M6PR: variants seen among roughly 807,000 people sequenced by gnomAD.
M6PR encodes mannose-6-phosphate receptor, cation dependent.
A neutral mutation model predicts 33.1 loss-of-function variants in M6PR; 19 were observed. That is an observed-to-expected ratio of 0.57 (90% CI 0.40 to 0.84). The LOEUF (loss-of-function observed/expected upper bound fraction) is 0.84, where lower values mean the gene tolerates loss of function less well. Among genes scored for constraint, M6PR ranks in the 40% least tolerant of loss-of-function variants. The probability of loss-of-function intolerance (pLI) is 0.00; values close to 1 mark genes in which losing one functional copy is unlikely to be tolerated. For synonymous variants in M6PR, 111 were observed against 123.4 expected, an observed-to-expected ratio of 0.90 and a Z score of 0.67; for missense variants, 295 against 336.0, an observed-to-expected ratio of 0.88 and a Z score of 0.95.
At position 8,941,822 on chromosome 12, in the gene M6PR, A is replaced by C; in HGVS notation, c.830T>G (p.Met277Arg). The change falls in exon 7 of 7, where the codon ATG becomes AGG. Residue 277 changes from methionine (M) to arginine (R), a missense_variant. By Grantham distance (91) the Met-to-Arg change is moderately conservative. Coordinates refer to ENST00000000412, the MANE Select transcript of M6PR (RefSeq NM_002355.4). ...GCTGGACATATAAAGTGCAATCTAC[A>C]TTGGTAATAAATGGTCATCCCTTTC... Reference protein sequence around the residue: ...SEERDDHLLPM With the variant: ...SEERDDHLLPR The C allele has an allele frequency of 6.2e-7, 1 of 1,614,114 alleles. No homozygotes were observed. Among genetic ancestry groups the C allele is most frequent in the Non-Finnish European group, 8.5e-7 (1 of 1,180,016 alleles).
intron 5 of M6PR, 61 bp downstream of exon 5, chr12:8,943,344 G>A: frequency 6.3e-7 from 1 of 1,597,530 alleles, no homozygotes; most frequent in Non-Finnish European, 8.6e-7. Context: ...CCACCATATA[G>A]TTACTGACCT....
chr12:8,947,470 A>G (rs1946112245), intron 1 of M6PR, among the ~76,000 whole-genome samples: 2 of 152,094 alleles, frequency 1.3e-5, no homozygotes, highest in South Asian at 4.1e-4. Context: ...CCAAACATCA[A>G]TTCTCTACTG....
chr12:8,941,906 C>G lies in M6PR; in HGVS notation c.746G>C (p.Arg249Pro). Residue 249 changes from arginine to proline, a missense_variant, in exon 7 of 7, where the codon CGA becomes CCA. By Grantham distance (103) the Arg-to-Pro change is moderately radical. Coordinates refer to ENST00000000412, the MANE Select transcript of M6PR (RefSeq NM_002355.4). ...GCDFVCRSKP[R>P]NVPAAYRGVG... is the part of the protein sequence containing the mutation. The stretch of plus-strand genomic sequence containing the variant: ...ACCACGATATGCTGCAGGCACATTT[C>G]GAGGTTTAGAACGGCAGACAAAGTC... 1 of 1,613,978 alleles carries G rather than the reference C, an allele frequency of 6.2e-7. No individual in the cohort carries two copies. The highest frequency in any genetic ancestry group is 8.5e-7 in the Non-Finnish European group (1 of 1,180,012).
At position 8,941,679 on chromosome 12, in the gene M6PR, T is replaced by A; in HGVS notation, c.*139A>T. The A allele has an allele frequency of 9.6e-7, 1 of 1,045,864 alleles. No homozygotes were observed. The allele number at this position is 1,045,864 out of a possible 1,614,324, so 64.8% of individuals were successfully genotyped here. A position where few individuals can be genotyped will look rare whatever the true frequency, so the allele number is the denominator to read the frequency against. On this transcript the variant is annotated 3_prime_UTR_variant, in exon 7 of 7. Transcript: ENST00000000412. ...GAAGGCAGTTTTACTAGTGAGAAGA[T>A]GCAAATCAAAAGCAAACTGGAAAGC...
rs1946002865 is a variant in M6PR, at chr12:8,941,360, T to C, written c.*458A>G. 1 of 197,846 alleles carries C rather than the reference T, an allele frequency of 5.1e-6. No homozygotes were observed. The highest frequency in any genetic ancestry group is 1.1e-5 in the Non-Finnish European group (1 of 95,074). 12.3% of individuals were successfully genotyped at this position (197,846 alleles called of 1,614,324 possible). On this transcript the variant is annotated 3_prime_UTR_variant, in exon 7 of 7. Transcript: ENST00000000412. Reference sequence around the variant, plus strand: ...AGCAGCAAGAAATACCAGATTCTCATGGAGGCTACTATAGGGTACAGAATA... The same window carrying C: ...AGCAGCAAGAAATACCAGATTCTCACGGAGGCTACTATAGGGTACAGAATA...
intron 4 of M6PR, 113 bp downstream of exon 4, chr12:8,943,688 C>T: frequency 7.6e-7 from 1 of 1,323,574 alleles, no homozygotes; most frequent in Non-Finnish European, 1.1e-6. Context: ...AACTGAGCTC[C>T]TAGTTTTCTA....
chr12:8,942,198 G>C (rs1224142675), intron 6 of M6PR: 1 of 689,186 alleles, frequency 1.5e-6, no homozygotes, highest in East Asian at 2.7e-5. Flanking sequence ...CTGGTCAACA[G>C]TGTTGCTCTT....
At chr12:8,946,575 A>T (rs1477365225) in intron 1 of M6PR, 170 bp from the exon 2 acceptor site, 1 of 525,812 alleles carries the variant, frequency 1.9e-6, no homozygotes, top group Non-Finnish European at 3.3e-6. Context: ...TAACAAGAGC[A>T]TCTGCAGCAG....
chr12:8,945,372 T>C (rs1282473248), intron 3 of M6PR, 46 bp downstream of exon 3: 1 of 1,603,714 alleles, frequency 6.2e-7, no homozygotes, highest in Non-Finnish European at 8.5e-7. Flanking sequence ...AGGGATTGAC[T>C]TGGGATCAGT....
At chr12:8,945,777 TG>T (rs1946085855) in intron 2 of M6PR, among the ~76,000 whole-genome samples, 193 bp from the exon 3 acceptor site, 1 of 152,238 alleles carries the variant, frequency 6.6e-6, no homozygotes, top group African/African-American at 2.4e-5. Flanking sequence ...TTGCTGATGA[TG>T]AATTATTAAA....
intron 1 of M6PR, among the ~76,000 whole-genome samples, chr12:8,948,766 T>C (rs768159880): frequency 6.6e-6 from 1 of 152,364 alleles, no homozygotes; most frequent in African/African-American, 2.4e-5. Flanking sequence ...TGGGCCTCTG[T>C]AGCACTCACT....
At position 8,940,530 on chromosome 12, in the gene M6PR, T is replaced by C. The variant is rs1592219206; in HGVS notation, c.*1288A>G. 8.3e-6 allele frequency: 1 copy of C among 119,976 alleles called. No homozygotes were observed. The highest frequency in any genetic ancestry group is 3.2e-5 in the African/African-American group (1 of 31,002). 7.4% of individuals were successfully genotyped at this position (119,976 alleles called of 1,614,324 possible). ...AGAAAGAAAAAAATCACTCCAATAG[T>C]ATTGAAAAGTCCAAAGATGAAATAG... On this transcript the variant is annotated 3_prime_UTR_variant, in exon 7 of 7. Transcript: ENST00000000412.
At chr12:8,942,080 G>T in intron 6 of M6PR, 140 bp from the exon 7 acceptor site, 1 of 982,274 alleles carries the variant, frequency 1.0e-6, no homozygotes, top group Non-Finnish European at 1.5e-6. Flanking sequence ...CTGACAATCA[G>T]CCTAAATTCA....
At chr12:8,944,895 T>C (rs1946072711) in intron 3 of M6PR, among the ~76,000 whole-genome samples, 1 of 152,100 alleles carries the variant, frequency 6.6e-6, no homozygotes, top group Non-Finnish European at 1.5e-5. Context: ...GCGCGGTGGT[T>C]CATGCCTGTA....
chr12:8,945,348 T>C, intron 3 of M6PR, 70 bp downstream of exon 3: 1 of 1,547,110 alleles, frequency 6.5e-7, no homozygotes, highest in Non-Finnish European at 8.9e-7. Flanking sequence ...GGCCAAGACA[T>C]ACAGGATTGT....
intron 1 of M6PR, among the ~76,000 whole-genome samples, chr12:8,948,919 G>C (rs994880152): frequency 6.6e-6 from 1 of 152,200 alleles, no homozygotes; most frequent in African/African-American, 2.4e-5. Flanking sequence ...TTGGCTAAAA[G>C]GCCTAATGCT....
rs1162994953 is a variant in M6PR, at chr12:8,941,746, C to T, written c.*72G>A. 1 of 1,591,688 alleles carries T rather than the reference C, an allele frequency of 6.3e-7. No individual in the cohort carries two copies. Among genetic ancestry groups the T allele is most frequent in the African/African-American group, 1.3e-5 (1 of 74,526 alleles). On this transcript the variant is annotated 3_prime_UTR_variant, in exon 7 of 7. Coordinates refer to ENST00000000412, the MANE Select transcript of M6PR (RefSeq NM_002355.4). ...GTGAGATGAGGGACTGGAGTTGAGA[C>T]TGCTTGAGAAATCTGGCTGTGTAGC...
At chr12:8,945,215 T>C in intron 3 of M6PR, 1 of 512,710 alleles carries the variant, frequency 2.0e-6, no homozygotes, top group Admixed American at 3.7e-5. Flanking sequence ...TTTTCACTGA[T>C]TTTAATGCAC....
intron 1 of M6PR, among the ~76,000 whole-genome samples, chr12:8,947,194 G>A (rs1042114740): frequency 6.6e-6 from 1 of 152,106 alleles, no homozygotes; most frequent in Non-Finnish European, 1.5e-5. Context: ...TGCAAGTCTG[G>A]ACTTTGGTTT....
Sources: gnomAD v4.1 joint callset for allele counts (sites outside exome capture counted in the v4.1 genomes callset) on GRCh38, gnomAD v4.1.1 for gene constraint, MANE v1.5 for transcripts, NCBI Gene and HGNC (gene_info 2026-07-23, HGNC 2026-07-21) for gene names.